The following UQCC1 variants were observed in gnomAD, a reference collection of about 807,000 sequenced individuals.
The protein encoded by UQCC1 is bFGF-repressed Zic-binding protein.
A neutral mutation model predicts 48.0 loss-of-function variants in UQCC1; 38 were observed. The observed-to-expected ratio is 0.79, with a 90% CI of 0.61 to 1.04. UQCC1 has a LOEUF of 1.04. Among genes scored for constraint, UQCC1 ranks in the 50% least tolerant of loss-of-function variants. UQCC1 has a pLI of 0.00. For missense variants in UQCC1, 368 were observed against 381.8 expected (o/e 0.96, Z 0.30); for synonymous variants, 111 against 129.2 (o/e 0.86, Z 0.95).
At chr20:35,320,724 A>T (rs189089303) in intron 7 of UQCC1, among the ~76,000 whole-genome samples, 13 of 152,324 alleles carry the variant, frequency 8.5e-5, no homozygotes, top group African/African-American at 3.1e-4. Context: ...GGGGAATGGG[A>T]AAACAGAAGA....
intron 7 of UQCC1, among the ~76,000 whole-genome samples, chr20:35,330,104 T>C (rs2146344811): frequency 6.6e-6 from 1 of 152,234 alleles, no homozygotes; most frequent in East Asian, 1.9e-4. Flanking sequence ...AGCACTGTGC[T>C]AGACACTGGA....
At chr20:35,397,180 T>A (rs1292459497) in intron 1 of UQCC1, among the ~76,000 whole-genome samples, 1 of 116,968 alleles carries the variant, frequency 8.5e-6, no homozygotes, top group Admixed American at 9.0e-5. Flanking sequence ...GCCTGGGCGA[T>A]AGAGAGGGAG....
intron 1 of UQCC1, among the ~76,000 whole-genome samples, chr20:35,404,148 G>A (rs1388626011): frequency 1.3e-5 from 2 of 152,142 alleles, no homozygotes; most frequent in East Asian, 1.9e-4. Context: ...TTGGGAAGCC[G>A]AGGCGGGCGG....
intron 2 of UQCC1, chr20:35,386,247 G>T: frequency 2.6e-6 from 1 of 391,212 alleles, no homozygotes; most frequent in Non-Finnish European, 4.9e-6. Context: ...AAAAAATCTA[G>T]TTTCCAAACT....
At chr20:35,323,394 A>G (rs2061154030) in intron 7 of UQCC1, among the ~76,000 whole-genome samples, 2 of 152,236 alleles carry the variant, frequency 1.3e-5, no homozygotes. Context: ...CAAGGGTCTG[A>G]CCAAGTAGAT....
At chr20:35,312,060 C>G (rs1214663837) in intron 8 of UQCC1, among the ~76,000 whole-genome samples, 1 of 152,136 alleles carries the variant, frequency 6.6e-6, no homozygotes, top group East Asian at 1.9e-4. Context: ...TTTATTAATA[C>G]TGATGAAAGG....
intron 6 of UQCC1, among the ~76,000 whole-genome samples, chr20:35,363,788 G>A (rs963198273): frequency 9.9e-5 from 15 of 152,068 alleles, no homozygotes; most frequent in Non-Finnish European, 1.9e-4. Flanking sequence ...ACCTCCAAGA[G>A]GTACTTCAAC....
At chr20:35,306,270 A>C (rs2060927395) in intron 9 of UQCC1, among the ~76,000 whole-genome samples, 1 of 152,130 alleles carries the variant, frequency 6.6e-6, no homozygotes, top group Admixed American at 6.5e-5. Context: ...CAGGAGCAGG[A>C]AACAAATCCA....
At chr20:35,377,815 C>G (rs6142361) in intron 4 of UQCC1, among the ~76,000 whole-genome samples, 19 of 152,208 alleles carry the variant, frequency 1.2e-4, no homozygotes, top group Non-Finnish European at 2.6e-4. Context: ...TCCCCAACAA[C>G]ACGTTTGTGA....
intron 2 of UQCC1, among the ~76,000 whole-genome samples, chr20:35,385,812 G>A (rs2061935071): frequency 6.6e-6 from 1 of 151,234 alleles, no homozygotes; most frequent in African/African-American, 2.4e-5. Flanking sequence ...GAGCCTGGGT[G>A]CCTGGCTGGG....
intron 2 of UQCC1, among the ~76,000 whole-genome samples, chr20:35,389,968 A>G (rs2061993160): frequency 6.6e-6 from 1 of 152,220 alleles, no homozygotes; most frequent in Non-Finnish European, 1.5e-5. Flanking sequence ...GAAAATATAC[A>G]ATAGAAGAGT....
At chr20:35,397,530 A>G (rs910541128) in intron 1 of UQCC1, among the ~76,000 whole-genome samples, 9 of 150,844 alleles carry the variant, frequency 6.0e-5, no homozygotes, top group African/African-American at 2.2e-4. Flanking sequence ...AAAAAAAAAG[A>G]AAAAAGAAAA....
chr20:35,374,926 T>C (rs114296406), intron 4 of UQCC1, among the ~76,000 whole-genome samples: 1,957 of 152,106 alleles, frequency 0.013, 44 homozygotes, highest in African/African-American at 0.045. Flanking sequence ...GATTTTTATA[T>C]TACACTGTAT....
At chr20:35,379,481 G>A (rs1005200908) in intron 4 of UQCC1, among the ~76,000 whole-genome samples, 3 of 152,152 alleles carry the variant, frequency 2.0e-5, no homozygotes, top group Admixed American at 6.5e-5. Flanking sequence ...AATGTCATAC[G>A]TTGATATTGT....
chr20:35,364,890 G>A (rs569257000), intron 6 of UQCC1, among the ~76,000 whole-genome samples: 1 of 152,258 alleles, frequency 6.6e-6, no homozygotes, highest in South Asian at 2.1e-4. Flanking sequence ...GGGCAATAAA[G>A]AGTCTTTCAT....
chr20:35,351,646 G>T (rs78712769), intron 6 of UQCC1, among the ~76,000 whole-genome samples: 2 of 152,316 alleles, frequency 1.3e-5, no homozygotes, highest in East Asian at 3.9e-4. Context: ...TGAGGTAATG[G>T]AATTCTTCAT....
intron 7 of UQCC1, among the ~76,000 whole-genome samples, chr20:35,330,563 T>C (rs2061245005): frequency 6.6e-6 from 1 of 152,216 alleles, no homozygotes; most frequent in South Asian, 2.1e-4. Flanking sequence ...GAGATTCTTC[T>C]GACATCCATA....
chr20:35,346,979 TA>T (rs2061438049), intron 7 of UQCC1, 184 bp downstream of exon 7: 1 of 1,531,782 alleles, frequency 6.5e-7, no homozygotes, highest in African/African-American at 1.4e-5. Flanking sequence ...TACAAACACA[TA>T]AAGTATCTGT....
At chr20:35,392,148 G>T in intron 2 of UQCC1, 1 of 942,192 alleles carries the variant, frequency 1.1e-6, no homozygotes, top group Non-Finnish European at 1.5e-6. Flanking sequence ...ATGTGAAAAC[G>T]CAGCTCACAC....
Sources: allele counts gnomAD v4.1 joint callset (sites outside exome capture counted in the v4.1 genomes callset), GRCh38; gene constraint gnomAD v4.1.1; transcripts MANE v1.5; gene names NCBI Gene and HGNC (gene_info 2026-07-23, HGNC 2026-07-21).